ASNSD1: variants seen among roughly 807,000 people sequenced by gnomAD.
The protein encoded by ASNSD1 is asparagine synthetase domain containing 1, also known as asparagine synthetase domain-containing protein 1.
Under a neutral mutation model 48.3 loss-of-function variants are expected in ASNSD1, and 36 were observed. The ratio of observed to expected loss-of-function variants is 0.75; its 90% confidence interval spans 0.57 to 0.99. The LOEUF is 0.99. Among genes scored for constraint, ASNSD1 ranks in the 50% least tolerant of loss-of-function variants. The pLI, the probability that ASNSD1 is intolerant of heterozygous loss-of-function variation, is 0.00. For synonymous variants in ASNSD1, 257 were observed against 262.1 expected (o/e 0.98, Z 0.19); for missense variants, 714 against 758.2 (o/e 0.94, Z 0.69).
chr2:189,666,795 C>T lies in ASNSD1; in HGVS notation c.663C>T (p.Asp221=). 1 of 1,613,998 alleles carries T rather than the reference C, an allele frequency of 6.2e-7. No homozygotes were observed. Among genetic ancestry groups the T allele is most frequent in the Non-Finnish European group, 8.5e-7 (1 of 1,179,864 alleles). ...NVNSLSQISA[D]LPAFVSVVAN... ...ATAGCCTGAGTCAAATTTCAGCAGA[C>T]TTACCAGCATTTGTATCAGTGGTAG... is the stretch of plus-strand genomic sequence containing the variant. Residue 221 remains aspartate, a synonymous_variant, in exon 4 of 6, where the codon GAC becomes GAT. Transcript: ENST00000260952.
chr2:189,665,644 ATATT>A (rs2032784890), intron 3 of ASNSD1, among the ~76,000 whole-genome samples, 193 bp downstream of exon 3: 6 of 123,756 alleles, frequency 4.8e-5, no homozygotes, highest in South Asian at 2.3e-4. Context: ...ATATATATAT[ATATT>A]ATAAATGTTT....
rs1420801474 is a variant in ASNSD1, at chr2:189,667,709, T to G, written c.1465-55T>G. The G allele has an allele frequency of 4.5e-6, 7 of 1,548,386 alleles. No individual in the cohort carries two copies. In the East Asian group the frequency reaches 1.6e-4, roughly 35 times the overall value. The stretch of plus-strand genomic sequence containing the variant: ...CATATTTTAGGTGCATTTATCTTAT[T>G]TTCTTTACTGTGTAGTTGATAACAT... On this transcript the variant is annotated intron_variant, in intron 4 of 5. Transcript: ENST00000260952.
rs946635224 is a variant in ASNSD1, at chr2:189,665,197, G to A, written c.-168-179G>A. On this transcript the variant is annotated intron_variant, in intron 2 of 5. Transcript: ENST00000260952. ...ATGGAGAGAAAATAGTTTCATTTCA[G>A]TAGTAGCAATTTCTGGTAGTTGGGC... Among the ~76,000 whole-genome samples, 4 of 152,230 alleles carry A rather than the reference G, an allele frequency of 2.6e-5. No homozygotes were observed. The East Asian group carries it at 5.8e-4, about 22-fold the overall frequency.
chr2:189,663,348 G>C (rs1215226040), intron 1 of ASNSD1, among the ~76,000 whole-genome samples: 1 of 151,966 alleles, frequency 6.6e-6, no homozygotes, highest in African/African-American at 2.4e-5. Context: ...CCGCCTCCCG[G>C]GTTCAAGCAG....
Position 189,666,060 on chromosome 2 carries a change from A to G in ASNSD1, c.-73A>G. ...CAACAGATATATTGGATGAACTGAA[A>G]AAAGAATACCAAGAAATAGAAAACT... On this transcript the variant is annotated 5_prime_UTR_variant, in exon 4 of 6. Coordinates refer to ENST00000260952, the MANE Select transcript of ASNSD1 (RefSeq NM_019048.4). 1 of 1,445,590 alleles carries G rather than the reference A, an allele frequency of 6.9e-7. No homozygotes were observed. The highest frequency in any genetic ancestry group is 1.5e-5 in the South Asian group (1 of 66,558). 89.5% of individuals were successfully genotyped at this position (1,445,590 alleles called of 1,614,324 possible).
Position 189,666,331 on chromosome 2 carries a change from G to T in ASNSD1, c.199G>T (p.Asp67Tyr), listed in dbSNP as rs1484145711. 1 of 1,613,900 alleles carries T rather than the reference G, an allele frequency of 6.2e-7. No individual in the cohort carries two copies. Among genetic ancestry groups the T allele is most frequent in the Non-Finnish European group, 8.5e-7 (1 of 1,179,878 alleles). Residue 67 changes from aspartate to tyrosine, a missense_variant, in exon 4 of 6, where the codon GAT (aspartate) becomes TAT (tyrosine). Physicochemically the swap from Asp to Tyr is radical, Grantham distance 160. Coordinates refer to ENST00000260952, the MANE Select transcript of ASNSD1 (RefSeq NM_019048.4). ...RGVLTTQPVE[D>Y]ERGNVFLWNG... ...TGTTTTGACTACCCAGCCTGTGGAA[G>T]ATGAAAGAGGCAATGTGTTTCTATG...
At chr2:189,665,500 C>T in intron 3 of ASNSD1, 49 bp downstream of exon 3, 1 of 390,912 alleles carries the variant, frequency 2.6e-6, no homozygotes, top group Non-Finnish European at 4.5e-6. Flanking sequence ...AAATTATACT[C>T]ATCTGAGTGT....
intron 1 of ASNSD1, among the ~76,000 whole-genome samples, chr2:189,662,756 T>A (rs1032747597): frequency 6.6e-6 from 1 of 151,994 alleles, no homozygotes; most frequent in Non-Finnish European, 1.5e-5. Flanking sequence ...AAAAAGAAAC[T>A]TAGTTTTCAC....
At chr2:189,663,661 G>A (rs2032724030) in intron 1 of ASNSD1, among the ~76,000 whole-genome samples, 1 of 152,090 alleles carries the variant, frequency 6.6e-6, no homozygotes, top group Non-Finnish European at 1.5e-5. Flanking sequence ...GGTCTTAATG[G>A]GTTACCTAAC....
At position 189,666,225 on chromosome 2, in the gene ASNSD1, A is replaced by G; in HGVS notation, c.93A>G (p.Gly31=). 1.2e-6 allele frequency: 2 copies of G among 1,613,998 alleles called. No individual in the cohort carries two copies. Among genetic ancestry groups the G allele is most frequent in the South Asian group, 2.2e-5 (2 of 91,034 alleles). Residue 31 remains glycine (G), a synonymous_variant, in exon 4 of 6, where the codon GGA becomes GGG. Transcript: ENST00000260952. Reference sequence around the variant, plus strand: ...TACTATATAATCTTAAACAGCGGGGACCCAATAGTAGTAAACAATTGTTAA... The same window carrying G: ...TACTATATAATCTTAAACAGCGGGGGCCCAATAGTAGTAAACAATTGTTAA... ...EDLLYNLKQR[G]PNSSKQLLKS... is the part of the protein sequence containing the mutation.
rs748399229 is a variant in ASNSD1, at chr2:189,666,755, T to C, written c.623T>C (p.Ile208Thr). 1.2e-5 allele frequency: 19 copies of C among 1,613,650 alleles called. No homozygotes were observed. The highest frequency in any genetic ancestry group is 1.4e-5 in the Non-Finnish European group (16 of 1,179,684). ...PWKYISRENI[I>T]EENVNSLSQI... is the part of the protein sequence containing the mutation. ...AAATATATTTCTAGGGAGAATATTA[T>C]TGAAGAAAATGTTAATAGCCTGAGT... The change falls in exon 4 of 6, where the codon ATT (isoleucine) becomes ACT (threonine). Residue 208 changes from isoleucine (I) to threonine (T), a missense_variant. Coordinates refer to ENST00000260952, the MANE Select transcript of ASNSD1 (RefSeq NM_019048.4).
rs1254218394 is a variant in ASNSD1 at position 189,665,634 on chromosome 2, A to ATG, written c.-93+184_-93+185insGT. On this transcript the variant is annotated intron_variant, in intron 3 of 5. Coordinates refer to ENST00000260952, the MANE Select transcript of ASNSD1 (RefSeq NM_019048.4). ...TATATATATATATATATATATATAT[A>ATG]TATATATATATATTATAAATGTTTT... is the stretch of plus-strand genomic sequence containing the variant. Among the ~76,000 whole-genome samples, 3 of 124,596 alleles carry ATG rather than the reference A, an allele frequency of 2.4e-5. No individual in the cohort carries two copies. The South Asian group carries it at 7.5e-4, about 31-fold the overall frequency. 81.7% of individuals were successfully genotyped at this position (124,596 alleles called of 152,430 possible). A position where few individuals can be genotyped will look rare whatever the true frequency, so the allele number is the denominator to read the frequency against.
chr2:189,668,597 C>T (rs1348033809), intron 5 of ASNSD1, among the ~76,000 whole-genome samples: 1 of 152,210 alleles, frequency 6.6e-6, no homozygotes, highest in African/African-American at 2.4e-5. Context: ...TTGCTTTCCT[C>T]CCAGTAAGGG....
chr2:189,666,480 A>C lies in ASNSD1; in HGVS notation c.348A>C (p.Gln116His). ...TTTTGTCACTCTTCTCAGAAGTACA[A>C]GGTCCCTGGTCATTTATATATTATC... ...SEILSLFSEV[Q>H]GPWSFIYYQA... Residue 116 changes from glutamine (Q) to histidine (H), a missense_variant, in exon 4 of 6, where the codon CAA becomes CAC. Physicochemically the swap from Gln to His is conservative, Grantham distance 24. Transcript: ENST00000260952. The C allele has an allele frequency of 6.2e-7, 1 of 1,613,798 alleles. No individual in the cohort carries two copies. The highest frequency in any genetic ancestry group is 8.5e-7 in the Non-Finnish European group (1 of 1,179,892).
At chr2:189,662,839 C>G (rs1395735318) in intron 1 of ASNSD1, among the ~76,000 whole-genome samples, 1 of 151,520 alleles carries the variant, frequency 6.6e-6, no homozygotes, top group East Asian at 1.9e-4. Context: ...GTCCCAGCTA[C>G]TCGGAGGCTA....
rs1289864253 is a variant in ASNSD1 at position 189,661,553 on chromosome 2, C to T, written c.-280C>T. On this transcript the variant is annotated 5_prime_UTR_variant, in exon 1 of 6. Coordinates refer to ENST00000260952, the MANE Select transcript of ASNSD1 (RefSeq NM_019048.4). ...GCCGAGGGACGCGACCAGAGGACAG[C>T]TCTGTGCTGATCCCCACCGACAATT... The T allele has an allele frequency of 5.0e-6, 2 of 399,326 alleles. No individual in the cohort carries two copies. The highest frequency in any genetic ancestry group is 8.8e-6 in the Non-Finnish European group (2 of 226,394). The allele number at this position is 399,326 out of a possible 1,614,324, so 24.7% of individuals were successfully genotyped here.
At chr2:189,667,672 G>A (rs1574280198) in intron 4 of ASNSD1, 76 bp downstream of exon 4, 3 of 1,537,362 alleles carry the variant, frequency 2.0e-6, no homozygotes, top group East Asian at 4.5e-5. Flanking sequence ...CATTTTGATT[G>A]TAAGAATATA....
chr2:189,666,747 G>A lies in ASNSD1; in HGVS notation c.615G>A (p.Glu205=), dbSNP rs377319888. The A allele has an allele frequency of 3.1e-6, 5 of 1,613,068 alleles. No individual in the cohort carries two copies. The highest frequency in any genetic ancestry group is 1.7e-5 in the Admixed American group (1 of 59,992). Residue 205 remains glutamate (E), a synonymous_variant, in exon 4 of 6, where the codon GAG becomes GAA. Transcript: ENST00000260952. ...QLYPWKYISR[E]NIIEENVNSL... ...ATCCTTGGAAATATATTTCTAGGGA[G>A]AATATTATTGAAGAAAATGTTAATA...
At chr2:189,670,208 AT>A (rs1257235070) in intron 5 of ASNSD1, among the ~76,000 whole-genome samples, 2 of 151,686 alleles carry the variant, frequency 1.3e-5, no homozygotes, top group Non-Finnish European at 2.9e-5. Flanking sequence ...AAAAAAAAAA[AT>A]CATGTTTGTT....
Sources: allele counts gnomAD v4.1 joint callset (sites outside exome capture counted in the v4.1 genomes callset), GRCh38; gene constraint gnomAD v4.1.1; transcripts MANE v1.5; gene names NCBI Gene and HGNC (gene_info 2026-07-23, HGNC 2026-07-21).